The following MYH7 variants were observed in gnomAD, a reference collection of about 807,000 sequenced individuals.
The protein encoded by MYH7 is myosin heavy chain 7.
A neutral mutation model predicts 225.4 loss-of-function variants in MYH7; 129 were observed. The observed-to-expected ratio is 0.57, with a 90% confidence interval of 0.50 to 0.66. The LOEUF is 0.66. Ranked by LOEUF, MYH7 falls within the 30% of genes least tolerant of loss-of-function variation. MYH7 has a pLI of 0.00. For synonymous variants in MYH7, 971 were observed against 1,007.6 expected, an observed-to-expected ratio of 0.96 and a Z score of 0.69; for missense variants, 1,649 against 2,517.0, an observed-to-expected ratio of 0.66 and a Z score of 7.38.
chr14:23,418,491 A>C, intron 29 of MYH7, 85 bp from the exon 30 acceptor site: 3 of 1,441,098 alleles, frequency 2.1e-6, no homozygotes, highest in African/African-American at 1.4e-5. Flanking sequence ...CCCCAATCTC[A>C]ACATCATCCC....
Position 23,432,594 on chromosome 14 carries a change from G to C in MYH7, c.502+45C>G, listed in dbSNP as rs202055387. 1.9e-5 allele frequency: 30 copies of C among 1,614,156 alleles called. 1 individual carries two copies. The African/African-American group carries it at 3.6e-4, about 19-fold the overall frequency. ...CCCTTCCTTCTCCCTCTCCCTCCCGGCCTATCCCAGTTCCCTTCAGGAAGA... is the reference window on the plus strand; with the variant it reads ...CCCTTCCTTCTCCCTCTCCCTCCCGCCCTATCCCAGTTCCCTTCAGGAAGA... On this transcript the variant is annotated intron_variant, in intron 5 of 39. Transcript: ENST00000355349.
At position 23,419,183 on chromosome 14, in the gene MYH7, C is replaced by G. The variant is rs1240762183; in HGVS notation, c.3966G>C (p.Glu1322Asp). 1 of 1,614,198 alleles carries G rather than the reference C, an allele frequency of 6.2e-7. No homozygotes were observed. ...LEDLKRQLEE[E>D]VKAKNALAHA... Reference sequence around the variant, plus strand: ...GCCCGAGTCTAGCCCTTACCTTAACCTCCTCCTCCAGCTGCCTCTTGAGGT... The same window carrying G: ...GCCCGAGTCTAGCCCTTACCTTAACGTCCTCCTCCAGCTGCCTCTTGAGGT... The change falls in exon 29 of 40, where the codon GAG (glutamate) becomes GAC (aspartate). Residue 1322 changes from glutamate to aspartate, a missense_variant. Coordinates refer to ENST00000355349, the MANE Select transcript of MYH7 (RefSeq NM_000257.4).
chr14:23,419,110 G>A, intron 29 of MYH7, 67 bp downstream of exon 29: 1 of 1,325,572 alleles, frequency 7.5e-7, no homozygotes, highest in Non-Finnish European at 1.1e-6. Flanking sequence ...GGGAAGGGAA[G>A]TGATTTGATG....
At chr14:23,419,805 G>T in intron 27 of MYH7, 40 bp downstream of exon 27, 1 of 1,614,056 alleles carries the variant, frequency 6.2e-7, no homozygotes, top group Non-Finnish European at 8.5e-7. Flanking sequence ...GGGGAGGTGG[G>T]AGGAGGAAGT....
rs368706722 is a variant in MYH7 at position 23,414,100 on chromosome 14, C to T, written c.5562G>A (p.Thr1854=). Residue 1854 remains threonine, a splice_region_variant and synonymous_variant, in exon 38 of 40, where the codon ACG becomes ACA. Transcript: ENST00000355349. Reference sequence around the variant, plus strand: ...GCAGCAGGTTTTTCCTGTCCTCCTCCGTCTGGGGGCCAGAGGGTAGGCAGG... The same window carrying T: ...GCAGCAGGTTTTTCCTGTCCTCCTCTGTCTGGGGGCCAGAGGGTAGGCAGG... ...ERRIKELTYQ[T]EEDRKNLLRL... is the part of the protein sequence containing the mutation. 279 of 1,612,216 alleles carry T rather than the reference C, an allele frequency of 1.7e-4. No individual in the cohort carries two copies. The highest frequency in any genetic ancestry group is 2.2e-4 in the Non-Finnish European group (262 of 1,179,976).
Position 23,412,741 on chromosome 14 carries a change from C to G in MYH7, c.*113G>C. Reference sequence around the variant, plus strand: ...GAAGAAGAGTCTGGAGTCAGGATCTCGGCTTCAAGGAAAATTGCTTTATTC... The same window carrying G: ...GAAGAAGAGTCTGGAGTCAGGATCTGGGCTTCAAGGAAAATTGCTTTATTC... On this transcript the variant is annotated 3_prime_UTR_variant, in exon 40 of 40. Coordinates refer to ENST00000355349, the MANE Select transcript of MYH7 (RefSeq NM_000257.4). 3.1e-6 allele frequency: 4 copies of G among 1,299,342 alleles called. No homozygotes were observed. Among genetic ancestry groups the G allele is most frequent in the Non-Finnish European group, 4.4e-6 (4 of 906,898 alleles). The allele number at this position is 1,299,342 out of a possible 1,614,324, so 80.5% of individuals were successfully genotyped here. A position where few individuals can be genotyped will look rare whatever the true frequency, so the allele number is the denominator to read the frequency against.
chr14:23,424,581 A>C (rs1456458803), intron 22 of MYH7, among the ~76,000 whole-genome samples, 188 bp downstream of exon 22: 1 of 152,216 alleles, frequency 6.6e-6, no homozygotes, highest in African/African-American at 2.4e-5. Context: ...GTGCTTTTAA[A>C]AGTCAGCTCT....
Position 23,424,113 on chromosome 14 carries a change from C to T in MYH7, c.2716G>A (p.Asp906Asn), listed in dbSNP as rs397516164. The change falls in exon 23 of 40, where the codon GAT becomes AAT. Residue 906 changes from aspartate (D) to asparagine (N), a missense_variant. By Grantham distance (23) the Asp-to-Asn change is conservative (BLOSUM62 1). Around this residue, in one of 12 missense-constraint regions of MYH7, gnomAD observed 282 missense variants for 315.3 expected, o/e 0.89. Coordinates refer to ENST00000355349, the MANE Select transcript of MYH7 (RefSeq NM_000257.4). ...TGAATCTTGTTTTTGATCAGCTGAT[C>T]ACAGCGCTCCTCAGCATCTGCCAGG... Reference protein sequence around the residue: ...DNLADAEERCDQLIKNKIQLE... With the variant: ...DNLADAEERCNQLIKNKIQLE... 1 of 1,614,218 alleles carries T rather than the reference C, an allele frequency of 6.2e-7. No individual in the cohort carries two copies. The highest frequency in any genetic ancestry group is 1.7e-5 in the Admixed American group (1 of 60,034).
rs770583523 is a variant in MYH7 at position 23,415,013 on chromosome 14, G to T, written c.5541C>A (p.Ile1847=). 3 of 1,608,998 alleles carry T rather than the reference G, an allele frequency of 1.9e-6. No individual in the cohort carries two copies. The highest frequency in any genetic ancestry group is 3.3e-5 in the Admixed American group (2 of 60,030). Reference sequence around the variant, plus strand: ...GTCGCACCTGGTAGGTGAGCTCCTTGATGCGCCGCTCGCTCTTCCTCATGC... The same window carrying T: ...GTCGCACCTGGTAGGTGAGCTCCTTTATGCGCCGCTCGCTCTTCCTCATGC... ...VKGMRKSERR[I]KELTYQTEED... Residue 1847 remains isoleucine (I), a synonymous_variant, in exon 37 of 40, where the codon ATC becomes ATA. Coordinates refer to ENST00000355349, the MANE Select transcript of MYH7 (RefSeq NM_000257.4). The surrounding 1 kb of genome is among the most constrained non-coding windows in gnomAD (Gnocchi z 6.3).
chr14:23,428,166 G>A (rs1339872817), intron 15 of MYH7, among the ~76,000 whole-genome samples: 6 of 152,158 alleles, frequency 3.9e-5, no homozygotes, highest in Admixed American at 3.9e-4. Context: ...TGCTAGGGTT[G>A]AAAATAGGTG....
At chr14:23,428,160 A>G (rs533396076) in intron 15 of MYH7, among the ~76,000 whole-genome samples, 2 of 152,276 alleles carry the variant, frequency 1.3e-5, no homozygotes, top group Admixed American at 6.5e-5. Context: ...CTGAGATGCT[A>G]GGGTTGAAAA....
chr14:23,416,280 G>C lies in MYH7; in HGVS notation c.4677C>G (p.Leu1559=). 6.2e-7 allele frequency: 1 copy of C among 1,613,176 alleles called. No individual in the cohort carries two copies. Among genetic ancestry groups the C allele is most frequent in the African/African-American group, 1.3e-5 (1 of 74,964 alleles). The change falls in exon 34 of 40, where the codon CTC becomes CTG. Residue 1559 remains leucine, a synonymous_variant. Transcript: ENST00000355349. ...TCTGGTTGAACTCCAGCTGGGCCCG[G>C]AGGATCTTGCCCTCCTCGTGCTCCA... ...ASLEHEEGKI[L]RAQLEFNQIK... is the part of the protein sequence containing the mutation.
intron 9 of MYH7, 33 bp from the exon 10 acceptor site, chr14:23,431,032 G>A: frequency 3.3e-6 from 5 of 1,506,774 alleles, no homozygotes; most frequent in Admixed American, 1.7e-5. Flanking sequence ...AGGAGAGAAA[G>A]AAAAGTTAGG....
intron 4 of MYH7, 133 bp downstream of exon 4, chr14:23,432,951 G>T (rs1294405864): frequency 4.6e-6 from 7 of 1,512,072 alleles, no homozygotes; most frequent in Non-Finnish European, 6.4e-6. Context: ...TGTTGGAATT[G>T]AACCAAGGAT....
chr14:23,421,140 G>A, intron 25 of MYH7, 92 bp from the exon 26 acceptor site: 2 of 917,648 alleles, frequency 2.2e-6, no homozygotes, highest in East Asian at 4.9e-5. Context: ...TACAGGTAAA[G>A]AGTAGGATTT....
intron 37 of MYH7, 98 bp downstream of exon 37, chr14:23,414,896 GC>G: frequency 6.3e-7 from 1 of 1,584,684 alleles, no homozygotes; most frequent in Non-Finnish European, 8.6e-7. Context: ...TCCCATCCTC[GC>G]CCTGGAAGAG....
rs1490366072 is a variant in MYH7 at position 23,425,410 on chromosome 14, G to A, written c.2295C>T (p.Phe765=). ...CCAGCAGCCCCAGCAGCCCGGCCTT[G>A]AAGAACACCTGCAGGCAAGGTGTGT... The part of the protein sequence containing the change: ...QYKFGHTKVF[F]KAGLLGLLEE... Residue 765 remains phenylalanine (F), a synonymous_variant, in exon 21 of 40, where the codon TTC becomes TTT. Coordinates refer to ENST00000355349, the MANE Select transcript of MYH7 (RefSeq NM_000257.4). The surrounding 1 kb of genome is among the most constrained non-coding windows in gnomAD (Gnocchi z 4.6). The A allele has an allele frequency of 2.5e-6, 4 of 1,614,042 alleles. No individual in the cohort carries two copies. The African/African-American group carries it at 4.0e-5, about 16-fold the overall frequency.
At position 23,415,132 on chromosome 14, in the gene MYH7, C is replaced by T. The variant is rs369940645; in HGVS notation, c.5422G>A (p.Gly1808Ser). 28 of 1,614,042 alleles carry T rather than the reference C, an allele frequency of 1.7e-5. No homozygotes were observed. Among genetic ancestry groups the T allele is most frequent in the South Asian group, 5.5e-5 (5 of 91,086 alleles). ...DEAEQIALKG[G>S]KKQLQKLEAR... Reference sequence around the variant, plus strand: ...TCCAGCTTCTGCAGCTGCTTCTTGCCGCCCTTGAGGGCGATCTGCTCGGCT... The same window carrying T: ...TCCAGCTTCTGCAGCTGCTTCTTGCTGCCCTTGAGGGCGATCTGCTCGGCT... Residue 1808 changes from glycine to serine, a missense_variant, in exon 37 of 40, where the codon GGC becomes AGC. Gly to Ser is a moderately conservative substitution (Grantham distance 56, BLOSUM62 0). Around this residue, in one of 12 missense-constraint regions of MYH7, gnomAD observed 687 missense variants for 913.8 expected, o/e 0.75. Coordinates refer to ENST00000355349, the MANE Select transcript of MYH7 (RefSeq NM_000257.4). The surrounding 1 kb of genome is among the most constrained non-coding windows in gnomAD (Gnocchi z 6.3).
chr14:23,416,369 G>A, intron 33 of MYH7, 57 bp from the exon 34 acceptor site: 1 of 1,553,250 alleles, frequency 6.4e-7, no homozygotes, highest in South Asian at 1.2e-5. Flanking sequence ...AGGGCAGGGT[G>A]GGGGCCTGCT....
Sources: allele counts gnomAD v4.1 joint callset (sites outside exome capture counted in the v4.1 genomes callset), GRCh38; gene constraint gnomAD v4.1.1; regional missense constraint gnomAD v4.1.1; non-coding constraint Gnocchi (gnomAD v3.1); transcripts MANE v1.5; gene names NCBI Gene and HGNC (gene_info 2026-07-23, HGNC 2026-07-21).